Variants in RPS6KC1 observed in about 807,000 individuals in gnomAD.
RPS6KC1 encodes inactive ribosomal protein S6 kinase delta-1.
In RPS6KC1, 54 loss-of-function variants were observed where a neutral mutation model predicts 103.8. The ratio of observed to expected loss-of-function variants is 0.52; its 90% CI spans 0.42 to 0.65. The LOEUF (loss-of-function observed/expected upper bound fraction) is 0.65, where lower values mean the gene tolerates loss of function less well. RPS6KC1 is among the 30% of genes least tolerant of loss of function. RPS6KC1 has a pLI of 0.00. For synonymous variants in RPS6KC1, 439 were observed against 438.7 expected (o/e 1.00, Z -0.01); for missense variants, 1,151 against 1,253.8 (o/e 0.92, Z 1.24).
At chr1:213,299,929 C>T in the RPS6KC1 span, among the ~76,000 whole-genome samples, 523 of 152,222 alleles carry the variant, frequency 3.4e-3, 3 homozygotes, top group Non-Finnish European at 4.4e-3. Flanking sequence ...CTCAGCCTCC[C>T]GAGTAGCTGA....
chr1:213,249,576 CAG>C (rs2094509283), intron 12 of RPS6KC1, among the ~76,000 whole-genome samples: 1 of 152,190 alleles, frequency 6.6e-6, no homozygotes, highest in Non-Finnish European at 1.5e-5. Context: ...TCACAATTTT[CAG>C]TTAGCCTTTT....
the RPS6KC1 span, among the ~76,000 whole-genome samples, chr1:213,363,682 CTTTCTTTCTTTCTTTCTTTCCTT>C: frequency 1.6e-4 from 17 of 104,964 alleles, 1 homozygote; most frequent in African/African-American, 7.8e-4. Context: ...TTCTTTCTTT[CTTTCTTTCTTTCTTTCTTTCCTT>C]CTTTCTTTCT....
the RPS6KC1 span, among the ~76,000 whole-genome samples, chr1:213,617,489 C>T: frequency 6.6e-6 from 1 of 152,162 alleles, no homozygotes; most frequent in Non-Finnish European, 1.5e-5. Context: ...ATTATGCTAC[C>T]TATGTGCTGC....
the RPS6KC1 span, among the ~76,000 whole-genome samples, chr1:213,844,511 A>C: frequency 6.6e-6 from 1 of 152,212 alleles, no homozygotes; most frequent in Admixed American, 6.5e-5. Flanking sequence ...TTTCTCCATT[A>C]AAAAATTAGA....
the RPS6KC1 span, among the ~76,000 whole-genome samples, chr1:213,708,141 A>G: frequency 1.3e-5 from 2 of 152,180 alleles, no homozygotes; most frequent in South Asian, 2.1e-4. Context: ...CAGTATGGCA[A>G]TTTTCAGGAT....
chr1:213,370,358 A>G, the RPS6KC1 span, among the ~76,000 whole-genome samples: 2 of 151,698 alleles, frequency 1.3e-5, no homozygotes, highest in African/African-American at 4.9e-5. Context: ...TCTCCTCAGC[A>G]CCTGGTGGAA....
At chr1:213,701,011 T>C in the RPS6KC1 span, among the ~76,000 whole-genome samples, 1 of 152,090 alleles carries the variant, frequency 6.6e-6, no homozygotes, top group South Asian at 2.1e-4. Flanking sequence ...CAAGGATAAT[T>C]TGACTTCTTG....
chr1:213,126,698 G>T (rs1447036099), intron 5 of RPS6KC1, among the ~76,000 whole-genome samples: 1 of 152,150 alleles, frequency 6.6e-6, no homozygotes, highest in East Asian at 1.9e-4. Flanking sequence ...AAAAGAATAT[G>T]ATTTTGTGGT....
At chr1:213,631,943 T>G in the RPS6KC1 span, among the ~76,000 whole-genome samples, 21,384 of 152,196 alleles carry the variant, frequency 0.14, 2,359 homozygotes, top group African/African-American at 0.31. Context: ...TGGCAAACAC[T>G]GATCTCTTCT....
the RPS6KC1 span, among the ~76,000 whole-genome samples, chr1:213,552,139 T>C: frequency 6.6e-6 from 1 of 152,214 alleles, no homozygotes; most frequent in Non-Finnish European, 1.5e-5. Flanking sequence ...GTTTTGTCAA[T>C]TATGAATAAA....
the RPS6KC1 span, among the ~76,000 whole-genome samples, chr1:213,735,397 T>C: frequency 1.3e-5 from 2 of 152,202 alleles, no homozygotes; most frequent in Non-Finnish European, 2.9e-5. Flanking sequence ...CCATGTTCTG[T>C]GGCTTCCACA....
the RPS6KC1 span, among the ~76,000 whole-genome samples, chr1:213,354,669 C>T: frequency 2.6e-5 from 4 of 152,188 alleles, no homozygotes; most frequent in African/African-American, 4.8e-5. Flanking sequence ...CAACACATGG[C>T]AAGGGGGCTG....
At chr1:213,608,412 C>T in the RPS6KC1 span, among the ~76,000 whole-genome samples, 46 of 152,280 alleles carry the variant, frequency 3.0e-4, 1 homozygote, top group South Asian at 9.3e-3. Flanking sequence ...GATGAGGCCT[C>T]CGGGGCTGCA....
intron 6 of RPS6KC1, among the ~76,000 whole-genome samples, chr1:213,146,081 A>G (rs1473577403): frequency 1.6e-5 from 2 of 122,990 alleles, no homozygotes; most frequent in African/African-American, 5.7e-5. Context: ...CTCTGTGCTC[A>G]TGAATTCATT....
At chr1:213,418,631 T>G in the RPS6KC1 span, among the ~76,000 whole-genome samples, 1 of 152,180 alleles carries the variant, frequency 6.6e-6, no homozygotes, top group Non-Finnish European at 1.5e-5. Context: ...GCACAGCACT[T>G]TCTCTGCTAA....
chr1:213,520,671 C>T, the RPS6KC1 span, among the ~76,000 whole-genome samples: 2 of 152,162 alleles, frequency 1.3e-5, no homozygotes, highest in East Asian at 3.9e-4. Flanking sequence ...CTACCAAACC[C>T]ATGAGAAGAT....
Position 213,212,550 on chromosome 1 carries a change from C to CA in RPS6KC1, c.1045-17946dup, listed in dbSNP as rs376360345. Among the ~76,000 whole-genome samples, 869 of 152,242 alleles carry CA rather than the reference C, an allele frequency of 5.7e-3. 11 individuals are homozygous for CA. The highest frequency in any genetic ancestry group is 0.017 in the African/African-American group (726 of 41,554). ...TGAAGTTTCTATAAACATCCATGTGCAGGGGTTTTTGTGGACATGCATTTT... is the reference window on the plus strand; with the variant it reads ...TGAAGTTTCTATAAACATCCATGTGCAAGGGGTTTTTGTGGACATGCATTTT... On this transcript the variant is annotated intron_variant, in intron 8 of 14. Coordinates refer to ENST00000366960, the MANE Select transcript of RPS6KC1 (RefSeq NM_012424.6).
intron 6 of RPS6KC1, among the ~76,000 whole-genome samples, chr1:213,158,261 A>G (rs1330884500): frequency 1.3e-5 from 2 of 151,978 alleles, no homozygotes; most frequent in South Asian, 2.1e-4. Context: ...ACTTCTTGCT[A>G]CTCTCACCCT....
chr1:213,309,304 A>C, the RPS6KC1 span, among the ~76,000 whole-genome samples: 4 of 152,156 alleles, frequency 2.6e-5, no homozygotes, highest in Non-Finnish European at 1.5e-5. Flanking sequence ...CAAACAAACA[A>C]AAACAAACAA....
Sources: gnomAD v4.1 joint callset for allele counts (sites outside exome capture counted in the v4.1 genomes callset) on GRCh38, gnomAD v4.1.1 for gene constraint, MANE v1.5 for transcripts, NCBI Gene and HGNC (gene_info 2026-07-23, HGNC 2026-07-21) for gene names.